GRM1: variants seen among roughly 807,000 people sequenced by gnomAD.
GRM1 encodes the protein glutamate metabotropic receptor 1, also known as metabotropic glutamate receptor 1.
In GRM1, 33 loss-of-function variants were observed where a neutral mutation model predicts 90.9. The ratio of observed to expected loss-of-function variants is 0.36; its 90% CI spans 0.28 to 0.49. GRM1 has a LOEUF of 0.49. Ranked by LOEUF, GRM1 falls within the 20% of genes least tolerant of loss-of-function variation. The pLI is 0.99. For missense variants in GRM1, 1,190 were observed against 1,534.3 expected, an observed-to-expected ratio of 0.78 and a Z score of 3.75; for synonymous variants, 700 against 613.2, an observed-to-expected ratio of 1.14 and a Z score of -2.09.
chr6:146,187,828 T>A (rs576145379), intron 2 of GRM1, among the ~76,000 whole-genome samples: 2 of 151,774 alleles, frequency 1.3e-5, no homozygotes, highest in Non-Finnish European at 2.9e-5. Context: ...AGATGCCAAA[T>A]GAATAGATGA....
At chr6:146,173,222 C>G (rs1202375754) in intron 2 of GRM1, among the ~76,000 whole-genome samples, 1 of 151,610 alleles carries the variant, frequency 6.6e-6, no homozygotes, top group African/African-American at 2.4e-5. Flanking sequence ...AACCCCGTCT[C>G]TACTAAAAAT....
At chr6:146,212,367 A>G (rs1398150420) in intron 2 of GRM1, among the ~76,000 whole-genome samples, 1 of 152,226 alleles carries the variant, frequency 6.6e-6, no homozygotes, top group Non-Finnish European at 1.5e-5. Context: ...GCATTCCCAA[A>G]AAGATTTCAT....
intron 3 of GRM1, among the ~76,000 whole-genome samples, chr6:146,334,828 A>G (rs1441670617): frequency 6.6e-6 from 1 of 152,208 alleles, no homozygotes; most frequent in Admixed American, 6.5e-5. Context: ...TCCCACTAAT[A>G]AATCACCATA....
chr6:146,136,173 T>A (rs555870719), intron 1 of GRM1, among the ~76,000 whole-genome samples: 3 of 152,340 alleles, frequency 2.0e-5, no homozygotes, highest in African/African-American at 7.2e-5. Context: ...TCTCTATCCA[T>A]TTGTCTGTTG....
intron 1 of GRM1, among the ~76,000 whole-genome samples, chr6:146,039,268 G>A (rs1370056128): frequency 6.6e-6 from 1 of 151,918 alleles, no homozygotes; most frequent in Non-Finnish European, 1.5e-5. Flanking sequence ...GCTCATAGAA[G>A]GTCCCCAGAA....
intron 2 of GRM1, among the ~76,000 whole-genome samples, chr6:146,208,935 G>T (rs980687895): frequency 6.6e-6 from 1 of 152,098 alleles, no homozygotes; most frequent in South Asian, 2.1e-4. Context: ...CTGTAAAAAT[G>T]ATATAAAAAT....
chr6:146,109,277 C>A (rs1775451400), intron 1 of GRM1, among the ~76,000 whole-genome samples: 1 of 152,146 alleles, frequency 6.6e-6, no homozygotes, highest in Non-Finnish European at 1.5e-5. Flanking sequence ...GCTCAGGGTC[C>A]CCATGCTGAG....
At chr6:146,231,899 T>A (rs1434493281) in intron 2 of GRM1, among the ~76,000 whole-genome samples, 1 of 152,108 alleles carries the variant, frequency 6.6e-6, no homozygotes, top group Non-Finnish European at 1.5e-5. Flanking sequence ...CTTTGTCTAT[T>A]TTTTCTGTAA....
intron 2 of GRM1, among the ~76,000 whole-genome samples, chr6:146,234,013 T>A (rs1396408756): frequency 6.6e-6 from 1 of 152,096 alleles, no homozygotes; most frequent in African/African-American, 2.4e-5. Flanking sequence ...CATTGTTATA[T>A]CTTCCTTATG....
chr6:146,344,904 C>T (rs1210079564), intron 3 of GRM1, among the ~76,000 whole-genome samples: 1 of 152,102 alleles, frequency 6.6e-6, no homozygotes, highest in African/African-American at 2.4e-5. Context: ...CTCCACGTCC[C>T]AGGTTCAAGC....
intron 2 of GRM1, among the ~76,000 whole-genome samples, chr6:146,287,223 G>A (rs1044948043): frequency 2.6e-4 from 39 of 152,108 alleles, no homozygotes; most frequent in Admixed American, 2.4e-3. Context: ...CATAATTTTG[G>A]CTTGGAGTTG....
intron 2 of GRM1, among the ~76,000 whole-genome samples, chr6:146,167,151 C>T (rs1777939001): frequency 6.6e-6 from 1 of 152,098 alleles, no homozygotes; most frequent in Non-Finnish European, 1.5e-5. Flanking sequence ...AATGTAGTCT[C>T]TTGTGTCTGA....
intron 2 of GRM1, among the ~76,000 whole-genome samples, chr6:146,219,773 T>C (rs1031843032): frequency 6.6e-6 from 1 of 152,150 alleles, no homozygotes; most frequent in Non-Finnish European, 1.5e-5. Context: ...GGAATGTGAA[T>C]TAATGGTAGG....
At chr6:146,064,306 T>C (rs1179271441) in intron 1 of GRM1, among the ~76,000 whole-genome samples, 1 of 152,218 alleles carries the variant, frequency 6.6e-6, no homozygotes, top group African/African-American at 2.4e-5. Context: ...TAGTGTTAAG[T>C]TGAACAATAG....
intron 2 of GRM1, among the ~76,000 whole-genome samples, chr6:146,225,226 C>T (rs757809692): frequency 6.6e-5 from 10 of 152,108 alleles, no homozygotes; most frequent in Non-Finnish European, 1.5e-4. Flanking sequence ...TCACAGACAG[C>T]TCCAGCTTTT....
chr6:146,236,217 A>G (rs1780640908), intron 2 of GRM1, among the ~76,000 whole-genome samples: 1 of 152,198 alleles, frequency 6.6e-6, no homozygotes, highest in Admixed American at 6.5e-5. Flanking sequence ...AATGCAACAT[A>G]TCCAAAATAC....
chr6:146,424,420 G>C (rs553712453), intron 7 of GRM1, among the ~76,000 whole-genome samples: 6 of 152,232 alleles, frequency 3.9e-5, no homozygotes, highest in African/African-American at 1.4e-4. Flanking sequence ...GGACCCAGGG[G>C]ACAAGAGTCC....
intron 3 of GRM1, among the ~76,000 whole-genome samples, chr6:146,306,145 C>T (rs2114929637): frequency 6.6e-6 from 1 of 152,200 alleles, no homozygotes; most frequent in East Asian, 1.9e-4. Context: ...TTTAGAACTT[C>T]CTCAGTGTGG....
intron 2 of GRM1, among the ~76,000 whole-genome samples, chr6:146,196,548 G>A (rs993751948): frequency 5.9e-5 from 8 of 134,946 alleles, no homozygotes; most frequent in South Asian, 2.4e-4. Context: ...CTCATGATCC[G>A]CCCACCTTGG....
Sources: allele counts gnomAD v4.1 joint callset (sites outside exome capture counted in the v4.1 genomes callset), GRCh38; gene constraint gnomAD v4.1.1; transcripts MANE v1.5; gene names NCBI Gene and HGNC (gene_info 2026-07-23, HGNC 2026-07-21).